Variants in CFAP54 observed in about 807,000 individuals in gnomAD.
CFAP54 encodes the protein cilia and flagella associated protein 54.
CFAP54 carries 290 observed loss-of-function variants against 370.4 expected under a neutral mutation model. The ratio of observed to expected loss-of-function variants is 0.78; its 90% confidence interval spans 0.71 to 0.86. CFAP54 has a LOEUF of 0.86. Among genes scored for constraint, CFAP54 ranks in the 40% least tolerant of loss-of-function variants. The pLI is 0.00. For synonymous variants in CFAP54, 1,206 were observed against 1,236.5 expected (o/e 0.98, Z 0.52); for missense variants, 3,399 against 3,528.7 (o/e 0.96, Z 0.93).
intron 19 of CFAP54, chr12:96,573,170 C>A: frequency 2.3e-6 from 1 of 427,366 alleles, no homozygotes; most frequent in Non-Finnish European, 3.1e-6. Flanking sequence ...GAAGTGGGGG[C>A]ATTGGTCTCC....
At chr12:96,675,003 A>G (rs981124596) in intron 39 of CFAP54, among the ~76,000 whole-genome samples, 1 of 152,260 alleles carries the variant, frequency 6.6e-6, no homozygotes, top group South Asian at 2.1e-4. Context: ...AACCTAGGCA[A>G]TACCATTCAG....
chr12:96,777,423 C>G (rs1032389290), intron 60 of CFAP54, among the ~76,000 whole-genome samples: 6 of 151,772 alleles, frequency 4.0e-5, no homozygotes, highest in Non-Finnish European at 5.9e-5. Flanking sequence ...AATCTCGCCT[C>G]CCTGCAACCT....
chr12:96,637,539 AG>A (rs1407911522), intron 32 of CFAP54, among the ~76,000 whole-genome samples: 1 of 152,220 alleles, frequency 6.6e-6, no homozygotes, highest in Non-Finnish European at 1.5e-5. Context: ...GAAGTGCTAC[AG>A]TTAGCTAACA....
chr12:96,829,965 A>G (rs1229909303), intron 66 of CFAP54, among the ~76,000 whole-genome samples: 1 of 152,144 alleles, frequency 6.6e-6, no homozygotes, highest in East Asian at 1.9e-4. Flanking sequence ...TCATATTAGA[A>G]TCATCCAATA....
At chr12:96,516,976 T>A (rs1955243107) in intron 5 of CFAP54, among the ~76,000 whole-genome samples, 4 of 152,062 alleles carry the variant, frequency 2.6e-5, no homozygotes, top group Admixed American at 1.3e-4. Context: ...ATGTTTTAGA[T>A]ATGGATATCA....
At chr12:96,764,034 C>T (rs527806108) in intron 58 of CFAP54, 117 bp from the exon 59 acceptor site, 2 of 595,062 alleles carry the variant, frequency 3.4e-6, no homozygotes, top group African/African-American at 3.8e-5. Flanking sequence ...CTTCTCATGT[C>T]AATAGATACA....
intron 33 of CFAP54, chr12:96,645,235 A>G (rs1956775112): frequency 1.1e-5 from 5 of 452,638 alleles, no homozygotes; most frequent in African/African-American, 2.0e-5. Context: ...CATAATATGG[A>G]ATACTGTGTA....
At chr12:96,578,423 C>A (rs1320661072) in intron 20 of CFAP54, among the ~76,000 whole-genome samples, 1 of 152,174 alleles carries the variant, frequency 6.6e-6, no homozygotes, top group African/African-American at 2.4e-5. Flanking sequence ...AAGAATAGAG[C>A]TTCACTGATT....
At chr12:96,538,577 A>G in intron 13 of CFAP54, 59 bp downstream of exon 13, 1 of 1,502,324 alleles carries the variant, frequency 6.7e-7, no homozygotes, top group Non-Finnish European at 8.9e-7. Flanking sequence ...TCAAGTTGCC[A>G]CACACATTTC....
At chr12:96,520,127 C>G (rs1008869818) in intron 6 of CFAP54, among the ~76,000 whole-genome samples, 2 of 152,190 alleles carry the variant, frequency 1.3e-5, no homozygotes, top group African/African-American at 4.8e-5. Flanking sequence ...TCTGGAGTAT[C>G]TGGGACTACA....
intron 50 of CFAP54, among the ~76,000 whole-genome samples, chr12:96,730,561 T>C (rs1044276986): frequency 7.9e-5 from 12 of 152,266 alleles, no homozygotes; most frequent in African/African-American, 2.6e-4. Context: ...TGAAACAATA[T>C]AGTCACTGAA....
chr12:96,579,514 G>A (rs1472136595), intron 20 of CFAP54, among the ~76,000 whole-genome samples: 2 of 152,182 alleles, frequency 1.3e-5, no homozygotes, highest in Non-Finnish European at 2.9e-5. Context: ...CTGAAGGAAG[G>A]AGTAGCAGGC....
Position 96,564,927 on chromosome 12 carries a change from C to T in CFAP54, c.2619+162C>T, listed in dbSNP as rs1955851831. ...TCCTGACCAGGGGAACTAATTCGTA[C>T]CTCCAGTTCTGAATTCTGAAATGAG... On this transcript the variant is annotated intron_variant, in intron 19 of 67. Transcript: ENST00000524981. The T allele has an allele frequency of 1.6e-5, 6 of 374,864 alleles. No homozygotes were observed. The East Asian group carries it at 2.4e-4, about 15-fold the overall frequency. 23.2% of individuals were successfully genotyped at this position (374,864 alleles called of 1,614,324 possible). A position where few individuals can be genotyped will look rare whatever the true frequency, so the allele number is the denominator to read the frequency against.
At chr12:96,865,548 G>A (rs565975248) in intron 67 of CFAP54, among the ~76,000 whole-genome samples, 1 of 152,136 alleles carries the variant, frequency 6.6e-6, no homozygotes, top group Non-Finnish European at 1.5e-5. Flanking sequence ...GGATAAAGGA[G>A]GGAGGATGAA....
rs35885233 is a variant in CFAP54, at chr12:96,759,291, G to GA, written c.8040+1715dup. Among the ~76,000 whole-genome samples the GA allele has an allele frequency of 2.7e-3, 380 of 141,544 alleles. 1 individual carries two copies. The highest frequency in any genetic ancestry group is 4.8e-3 in the Admixed American group (67 of 14,040). 92.9% of individuals were successfully genotyped at this position (141,544 alleles called of 152,430 possible). The stretch of plus-strand genomic sequence containing the variant: ...ATAAACATGTTTATTTCCAGTAACA[G>GA]AAAAAAAAAAAACCCTTGTTTTTAT... On this transcript the variant is annotated intron_variant, in intron 58 of 67. Transcript: ENST00000524981.
rs765183223 is a variant in CFAP54 at position 96,626,826 on chromosome 12, G to A, written c.3990G>A (p.Lys1330=). The A allele has an allele frequency of 7.2e-7, 1 of 1,384,280 alleles. No individual in the cohort carries two copies. Among genetic ancestry groups the A allele is most frequent in the South Asian group, 1.6e-5 (1 of 62,954 alleles). 85.7% of individuals were successfully genotyped at this position (1,384,280 alleles called of 1,614,324 possible). The change falls in exon 30 of 68, where the codon AAG becomes AAA. Residue 1330 remains lysine, a synonymous_variant. Coordinates refer to ENST00000524981, the MANE Select transcript of CFAP54 (RefSeq NM_001306084.2). The part of the protein sequence containing the change: ...KGAVKEVMKF[K]QKPRFLEFFT... The stretch of plus-strand genomic sequence containing the variant: ...TTGTTATTACAGTTATGAAATTTAA[G>A]CAAAAACCAAGATTTCTGGAATTCT...
chr12:96,664,298 A>G (rs565711892), intron 39 of CFAP54, among the ~76,000 whole-genome samples: 1 of 152,116 alleles, frequency 6.6e-6, no homozygotes, highest in East Asian at 1.9e-4. Flanking sequence ...TCACCCTCTG[A>G]TAGGCCAGAG....
chr12:96,506,970 G>T lies in CFAP54; in HGVS notation c.610G>T (p.Val204Phe). Residue 204 changes from valine (V) to phenylalanine (F), a missense_variant, in exon 4 of 68, where the codon GTC becomes TTC. Val to Phe is a conservative substitution (Grantham distance 50, BLOSUM62 -1). Transcript: ENST00000524981. Reference sequence around the variant, plus strand: ...CAAAAATATGTGCAACTACCAGCTGGTCTGCGACAGTGATGAAAACCTGAA... The same window carrying T: ...CAAAAATATGTGCAACTACCAGCTGTTCTGCGACAGTGATGAAAACCTGAA... ...SGKNMCNYQL[V>F]CDSDENLKNK... 1 of 1,535,516 alleles carries T rather than the reference G, an allele frequency of 6.5e-7. No individual in the cohort carries two copies. The highest frequency in any genetic ancestry group is 8.7e-7 in the Non-Finnish European group (1 of 1,146,748).
intron 63 of CFAP54, among the ~76,000 whole-genome samples, chr12:96,794,579 C>T (rs1468249911): frequency 6.6e-6 from 1 of 151,898 alleles, no homozygotes; most frequent in East Asian, 1.9e-4. Flanking sequence ...TCCTTCATTT[C>T]CAGGCTTTGT....
Sources: gnomAD v4.1 joint callset for allele counts (sites outside exome capture counted in the v4.1 genomes callset) on GRCh38, gnomAD v4.1.1 for gene constraint, MANE v1.5 for transcripts, NCBI Gene and HGNC (gene_info 2026-07-23, HGNC 2026-07-21) for gene names.